The following TEP1 variants were observed in gnomAD, a reference collection of about 807,000 sequenced individuals.
The protein encoded by TEP1 is telomerase associated protein 1.
TEP1 carries 241 observed loss-of-function variants against 306.3 expected under a neutral mutation model. The observed-to-expected ratio is 0.79, with a 90% CI of 0.71 to 0.88. The LOEUF is 0.88. Ranked by LOEUF, TEP1 falls within the 40% of genes least tolerant of loss-of-function variation. TEP1 has a pLI of 0.00. For synonymous variants in TEP1, 1,289 were observed against 1,305.5 expected (o/e 0.99, Z 0.27); for missense variants, 3,051 against 3,276.1 (o/e 0.93, Z 1.68).
At position 20,368,131 on chromosome 14, in the gene TEP1, G is replaced by A. The variant is rs1884584669; in HGVS notation, c.*306C>T. 2 of 215,650 alleles carry A rather than the reference G, an allele frequency of 9.3e-6. No individual in the cohort carries two copies. Among genetic ancestry groups the A allele is most frequent in the Non-Finnish European group, 1.9e-5 (2 of 107,584 alleles). The allele number at this position is 215,650 out of a possible 1,614,324, so 13.4% of individuals were successfully genotyped here. On this transcript the variant is annotated 3_prime_UTR_variant, in exon 55 of 55. Coordinates refer to ENST00000262715, the MANE Select transcript of TEP1 (RefSeq NM_007110.5). Reference sequence around the variant, plus strand: ...GTCCTAGGGCCCGCGAGTGATGCAAGAATTCTAAAACCTAGTTTCAAAAGA... The same window carrying A: ...GTCCTAGGGCCCGCGAGTGATGCAAAAATTCTAAAACCTAGTTTCAAAAGA...
rs1225795667 is a variant in TEP1 at position 20,406,375 on chromosome 14, T to C, written c.593A>G (p.Lys198Arg). The stretch of plus-strand genomic sequence containing the variant: ...AGGCATTTGGGTCTCTGCCCCTTTC[T>C]TCTCTTCTGAATCAAACCAACGACC... ...TLGRWFDSEEKKGAETQMPSY... is the reference protein window; with the variant it reads ...TLGRWFDSEERKGAETQMPSY... Residue 198 changes from lysine (K) to arginine (R), a missense_variant, in exon 3 of 55, where the codon AAG becomes AGG. Transcript: ENST00000262715. 1.9e-6 allele frequency: 3 copies of C among 1,614,154 alleles called. No homozygotes were observed. The Admixed American group carries it at 5.0e-5, about 27-fold the overall frequency.
At position 20,374,485 on chromosome 14, in the gene TEP1, G is replaced by T. The variant is rs774098351; in HGVS notation, c.6415C>A (p.Gln2139Lys). Residue 2139 changes from glutamine to lysine, a missense_variant, in exon 44 of 55, where the codon CAG (glutamine) becomes AAG (lysine). Transcript: ENST00000262715. ...SVGLWDPESG[Q>K]RLGQFLGHQS... ...TGACCCAGGAACTGACCAAGCCGCT[G>T]TCCTGACTCTGGGTCCCAGAGCCCC... is the stretch of plus-strand genomic sequence containing the variant. The T allele has an allele frequency of 1.1e-5, 18 of 1,613,540 alleles. No homozygotes were observed. In the South Asian group the frequency reaches 1.9e-4, roughly 17 times the overall value.
At chr14:20,383,048 T>C (rs1348917613) in intron 27 of TEP1, 126 bp downstream of exon 27, 5 of 1,135,836 alleles carry the variant, frequency 4.4e-6, no homozygotes, top group East Asian at 2.6e-5. Context: ...CAACTTCCCA[T>C]GGACAGAATT....
Position 20,371,228 on chromosome 14 carries a change from A to C in TEP1, c.7307T>G (p.Leu2436Arg). Residue 2436 changes from leucine (L) to arginine (R), a missense_variant, in exon 51 of 55, where the codon CTT becomes CGT. Leu to Arg is a moderately radical substitution (Grantham distance 102). This residue lies in a region of TEP1 where 1,540 missense variants were observed against 1,705.9 expected (regional missense o/e 0.90). Transcript: ENST00000262715. ...FVLQPKDPGV[L>R]SFLRQKESGE... is the part of the protein sequence containing the mutation. ...TCAAATAGGACTTACCAAGAAAGAA[A>C]GAACTCCAGGATCCTTGGGCTGCAG... 3 of 1,613,928 alleles carry C rather than the reference A, an allele frequency of 1.9e-6. No individual in the cohort carries two copies. The highest frequency in any genetic ancestry group is 2.5e-6 in the Non-Finnish European group (3 of 1,179,754).
chr14:20,408,049 G>A lies in TEP1; in HGVS notation c.391C>T (p.Leu131=). ...GCTTGCGTCATGTGAGATATCTGTA[G>A]ACTCTGGAACAAGGGGCTGGCAGAC... ...TVSASPLFQS[L]QISHMTQADL... is the part of the protein sequence containing the mutation. Residue 131 remains leucine, a synonymous_variant, in exon 2 of 55, where the codon CTA becomes TTA. Coordinates refer to ENST00000262715, the MANE Select transcript of TEP1 (RefSeq NM_007110.5). 6.2e-7 allele frequency: 1 copy of A among 1,614,208 alleles called. No homozygotes were observed. Among genetic ancestry groups the A allele is most frequent in the Non-Finnish European group, 8.5e-7 (1 of 1,180,042 alleles).
chr14:20,396,794 C>A (rs527788671), intron 9 of TEP1, 64 bp from the exon 10 acceptor site: 2 of 1,180,760 alleles, frequency 1.7e-6, no homozygotes, highest in Non-Finnish European at 2.4e-6. Flanking sequence ...TGGCATGCAC[C>A]TATAATCTCA....
Position 20,368,837 on chromosome 14 carries a change from G to A in TEP1, c.7722C>T (p.Asp2574=). 1 of 1,613,222 alleles carries A rather than the reference G, an allele frequency of 6.2e-7. No individual in the cohort carries two copies. The highest frequency in any genetic ancestry group is 8.5e-7 in the Non-Finnish European group (1 of 1,179,960). ...LPELLVTASK[D]RDVKLWERPS... ...GTCTCTCCCATAGCTTAACATCTCT[G>A]TCCTTCGAAGCTGTCACCAGCAACT... Residue 2574 remains aspartate, a synonymous_variant, in exon 54 of 55, where the codon GAC becomes GAT. Transcript: ENST00000262715.
chr14:20,402,519 C>T (rs1312365248), intron 7 of TEP1, among the ~76,000 whole-genome samples: 2 of 152,084 alleles, frequency 1.3e-5, no homozygotes, highest in African/African-American at 4.8e-5. Flanking sequence ...TATTTACTTC[C>T]AGGAATTGTT....
intron 33 of TEP1, 90 bp downstream of exon 33, chr14:20,380,841 C>T: frequency 9.1e-7 from 1 of 1,104,870 alleles, no homozygotes; most frequent in Non-Finnish European, 1.3e-6. Flanking sequence ...CTGACACCCA[C>T]ACCCCTGCCC....
rs1055638606 is a variant in TEP1 at position 20,367,414 on chromosome 14, T to C, written c.*1023A>G. 6 of 151,610 alleles carry C rather than the reference T, an allele frequency of 4.0e-5. No homozygotes were observed. The highest frequency in any genetic ancestry group is 1.2e-4 in the African/African-American group (5 of 41,208). The allele number at this position is 151,610 out of a possible 1,614,324, so 9.4% of individuals were successfully genotyped here. On this transcript the variant is annotated 3_prime_UTR_variant, in exon 55 of 55. Coordinates refer to ENST00000262715, the MANE Select transcript of TEP1 (RefSeq NM_007110.5). ...TTTTACTTAAGAAAATCAGAGTTCA[T>C]GGCTATGATTGTGCCACCTCTCAAT...
At chr14:20,377,186 G>T (rs1423103560) in intron 41 of TEP1, 94 bp downstream of exon 41, 7 of 1,092,808 alleles carry the variant, frequency 6.4e-6, no homozygotes, top group Non-Finnish European at 9.0e-6. Context: ...CTGCACTCTA[G>T]CCTGGGCAAC....
At chr14:20,404,405 T>C (rs1193650170) in intron 5 of TEP1, among the ~76,000 whole-genome samples, 1 of 152,198 alleles carries the variant, frequency 6.6e-6, no homozygotes. Context: ...CATTTTTTTT[T>C]CTCAAACTTT....
rs755785677 is a variant in TEP1 at position 20,404,687 on chromosome 14, C to A, written c.956G>T (p.Arg319Leu). The A allele has an allele frequency of 3.7e-6, 6 of 1,613,950 alleles. No homozygotes were observed. The highest frequency in any genetic ancestry group is 1.7e-5 in the Admixed American group (1 of 59,982). Residue 319 changes from arginine to leucine, a missense_variant, in exon 5 of 55, where the codon CGC becomes CTC. Coordinates refer to ENST00000262715, the MANE Select transcript of TEP1 (RefSeq NM_007110.5). The part of the protein sequence containing the change: ...LAIAAFLPAC[R>L]PHLRRYFCAI... ...ACAGAAATATCGTCGCAGGTGGGGG[C>A]GACACGCCGGCAAGAAAGCAGCAAT...
intron 51 of TEP1, among the ~76,000 whole-genome samples, chr14:20,370,028 C>T (rs1442278440): frequency 6.6e-6 from 1 of 152,018 alleles, no homozygotes. Context: ...ATTATCCTGC[C>T]TCAGCCTCCC....
chr14:20,374,439 A>T lies in TEP1; in HGVS notation c.6461T>A (p.Val2154Glu), dbSNP rs1446962938. 3.7e-6 allele frequency: 6 copies of T among 1,612,368 alleles called. No homozygotes were observed. The African/African-American group carries it at 8.0e-5, about 22-fold the overall frequency. The change falls in exon 44 of 55, where the codon GTG becomes GAG. Residue 2154 changes from valine (V) to glutamate (E), a missense_variant. Val to Glu is a moderately radical substitution (Grantham distance 121, BLOSUM62 -2). Around this residue, in one of 3 missense-constraint regions of TEP1, gnomAD observed 1,540 missense variants for 1,705.9 expected, o/e 0.90. Transcript: ENST00000262715. ...FLGHQSAVSA[V>E]AAVEEHVVSV... Reference sequence around the variant, plus strand: ...CCATTGCTTTCTCACCACAGCTGCCACAGCGCTCACAGCACTCTGATGACC... The same window carrying T: ...CCATTGCTTTCTCACCACAGCTGCCTCAGCGCTCACAGCACTCTGATGACC...
chr14:20,403,426 T>C lies in TEP1; in HGVS notation c.1217A>G (p.His406Arg). The C allele has an allele frequency of 3.1e-6, 5 of 1,614,130 alleles. No homozygotes were observed. Among genetic ancestry groups the C allele is most frequent in the Non-Finnish European group, 4.2e-6 (5 of 1,180,030 alleles). The part of the protein sequence containing the change: ...RSPGMEPPFS[H>R]RCFPRYIGFL... ...CCCTATGTACCTTGGAAAACATCTG[T>C]GAGAAAATGGAGGCTCCATCCCCTG... Residue 406 changes from histidine to arginine, a missense_variant, in exon 7 of 55, where the codon CAC (histidine) becomes CGC (arginine). His to Arg is a conservative substitution (Grantham distance 29). Around this residue, in one of 3 missense-constraint regions of TEP1, gnomAD observed 1,507 missense variants for 1,550.5 expected, o/e 0.97. Coordinates refer to ENST00000262715, the MANE Select transcript of TEP1 (RefSeq NM_007110.5).
At position 20,406,304 on chromosome 14, in the gene TEP1, C is replaced by A. The variant is rs1379805099; in HGVS notation, c.664G>T (p.Ala222Ser). 6.2e-7 allele frequency: 1 copy of A among 1,614,008 alleles called. No homozygotes were observed. Among genetic ancestry groups the A allele is most frequent in the African/African-American group, 1.3e-5 (1 of 74,892 alleles). Residue 222 changes from alanine (A) to serine (S), a missense_variant, in exon 3 of 55, where the codon GCC becomes TCC. Ala to Ser is a moderately conservative substitution (Grantham distance 99). Coordinates refer to ENST00000262715, the MANE Select transcript of TEP1 (RefSeq NM_007110.5). Reference protein sequence around the residue: ...LGEEEEVEDLAVKLTSGDSES... With the variant: ...LGEEEEVEDLSVKLTSGDSES... ...GAGTCTCCAGAGGTGAGCTTCACGG[C>A]CAGATCCTCCACCTCCTCCTCCTCT...
intron 1 of TEP1, among the ~76,000 whole-genome samples, chr14:20,410,038 A>T (rs1190735653): frequency 8.3e-5 from 9 of 107,934 alleles, no homozygotes; most frequent in African/African-American, 1.5e-4. Context: ...AAAAAAAAAA[A>T]AAAAAAAAAA....
chr14:20,412,642 T>TTGCCCTG (rs1239683962), intron 1 of TEP1, among the ~76,000 whole-genome samples: 1 of 151,730 alleles, frequency 6.6e-6, no homozygotes, highest in Admixed American at 6.6e-5. Context: ...CTCAGAGACC[T>TTGCCCTG]TGCCCTGTTA....
Sources: gnomAD v4.1 joint callset for allele counts (sites outside exome capture counted in the v4.1 genomes callset) on GRCh38, gnomAD v4.1.1 for gene constraint, gnomAD v4.1.1 regional missense constraint, MANE v1.5 for transcripts, NCBI Gene and HGNC (gene_info 2026-07-23, HGNC 2026-07-21) for gene names.